The following KCNH2 variants were observed in gnomAD, a reference collection of about 807,000 sequenced individuals.
The protein encoded by KCNH2 is voltage-gated inwardly rectifying potassium channel KCNH2.
A neutral mutation model predicts 95.9 loss-of-function variants in KCNH2; 35 were observed. That is an observed-to-expected ratio of 0.37 (90% CI 0.28 to 0.48). The LOEUF (loss-of-function observed/expected upper bound fraction) is 0.48. KCNH2 is among the 20% of genes least tolerant of loss of function. The pLI is 0.99. For missense variants in KCNH2, 1,274 were observed against 1,702.9 expected (o/e 0.75, Z 4.43); for synonymous variants, 786 against 754.7 (o/e 1.04, Z -0.68).
intron 11 of KCNH2, 28 bp downstream of exon 11, chr7:150,948,416 T>TCCCCCCCCCCCCCCCCC: frequency 1.2e-5 from 5 of 402,864 alleles, no homozygotes; most frequent in Non-Finnish European, 2.1e-5. Flanking sequence ...GTCCCCGCCC[T>TCCCCCCCCCCCCCCCCC]CCCCCTTCCT....
intron 12 of KCNH2, 39 bp from the exon 13 acceptor site, chr7:150,947,553 G>A (rs779740014): frequency 4.4e-5 from 70 of 1,602,012 alleles, no homozygotes; most frequent in Non-Finnish European, 5.5e-5. Flanking sequence ...CGGGGTAGAC[G>A]CACCACCGCT....
At chr7:150,966,104 T>C (rs2117034559) in intron 2 of KCNH2, among the ~76,000 whole-genome samples, 1 of 152,354 alleles carries the variant, frequency 6.6e-6, no homozygotes, top group South Asian at 2.1e-4. Context: ...GGTGTGAGAC[T>C]TCTGAGCCTC....
Position 150,948,482 on chromosome 7 carries a change from C to T in KCNH2, c.2654G>A (p.Arg885His), listed in dbSNP as rs202194495. 3.2e-5 allele frequency: 49 copies of T among 1,508,234 alleles called. No homozygotes were observed. The highest frequency in any genetic ancestry group is 5.3e-5 in the Admixed American group (3 of 56,706). 93.4% of individuals were successfully genotyped at this position (1,508,234 alleles called of 1,614,324 possible). A position where few individuals can be genotyped will look rare whatever the true frequency, so the allele number is the denominator to read the frequency against. The change falls in exon 11 of 15, where the codon CGC becomes CAC. Residue 885 changes from arginine to histidine, a missense_variant. Physicochemically the swap from Arg to His is conservative, Grantham distance 29. Coordinates refer to ENST00000262186, the MANE Select transcript of KCNH2 (RefSeq NM_000238.4). ...CCTGCGGAAGGACAACTTGCGCTTG[C>T]GTTGCCGACTGAAGCCACCCTCTAA... ...TELEGGFSRQ[R>H]KRKLSFRRRT...
At chr7:150,955,843 G>T in intron 5 of KCNH2, 1 of 1,062,124 alleles carries the variant, frequency 9.4e-7, no homozygotes, top group Non-Finnish European at 1.1e-6. Flanking sequence ...CCTTCTACCA[G>T]GTCCCCACCC....
At chr7:150,951,328 G>T in intron 7 of KCNH2, 120 bp downstream of exon 7, 2 of 1,246,482 alleles carry the variant, frequency 1.6e-6, no homozygotes, top group Non-Finnish European at 2.2e-6. Flanking sequence ...TCACGATGGT[G>T]GCCCCTGGAG....
intron 9 of KCNH2, 36 bp from the exon 10 acceptor site, chr7:150,949,085 G>A (rs371957566): frequency 1.4e-5 from 22 of 1,582,658 alleles, no homozygotes; most frequent in South Asian, 4.5e-5. Flanking sequence ...GCTCAGCCCC[G>A]GGGGGCGGCA....
intron 2 of KCNH2, among the ~76,000 whole-genome samples, chr7:150,964,011 C>A (rs1297775562): frequency 6.6e-6 from 1 of 152,254 alleles, no homozygotes; most frequent in African/African-American, 2.4e-5. Context: ...TGTTCCTGCC[C>A]AGCATCCCAA....
rs976774515 is a variant in KCNH2, at chr7:150,955,940, C to G, written c.1128+1351G>C. On this transcript the variant is annotated intron_variant, in intron 5 of 14. Transcript: ENST00000262186. ...CAGCCCGCCCAGGCTCCTGCAGCGG[C>G]GCTCCCGCAGCCTGAGCCCCTCCCC... The G allele has an allele frequency of 1.7e-4, 127 of 731,964 alleles. No homozygotes were observed. In the African/African-American group the frequency reaches 2.2e-3, roughly 13 times the overall value. The allele number at this position is 731,964 out of a possible 1,614,324, so 45.3% of individuals were successfully genotyped here.
chr7:150,957,913 G>A (rs1053549304), intron 4 of KCNH2, 146 bp downstream of exon 4: 1 of 628,624 alleles, frequency 1.6e-6, no homozygotes, highest in African/African-American at 1.8e-5. Context: ...CCACTTAATG[G>A]AATTAAATAA....
At chr7:150,948,399 T>G in intron 11 of KCNH2, 45 bp downstream of exon 11, 1 of 1,436,612 alleles carries the variant, frequency 7.0e-7, no homozygotes, top group Non-Finnish European at 9.5e-7. Context: ...GCTCCCAGCC[T>G]CACCTTGTCC....
chr7:150,950,035 T>C, intron 9 of KCNH2, 133 bp downstream of exon 9: 3 of 1,599,680 alleles, frequency 1.9e-6, no homozygotes, highest in Non-Finnish European at 2.6e-6. Flanking sequence ...TGAGTTTAGG[T>C]GAATTAAAGG....
chr7:150,975,172 C>A (rs1346722232), intron 1 of KCNH2, among the ~76,000 whole-genome samples: 2 of 151,818 alleles, frequency 1.3e-5, no homozygotes, highest in African/African-American at 4.8e-5. Flanking sequence ...GGCCCGCGGG[C>A]GGGCTGCGTG....
In KCNH2 at chr7:150,947,849, A is replaced by G. The variant is rs765154236; in HGVS notation, c.2722T>C (p.Leu908=). The change falls in exon 12 of 15, where the codon TTG becomes CTG. Residue 908 remains leucine, a synonymous_variant. Transcript: ENST00000262186. ...DTEQPGEVSA[L]GPGRAGAGPS... is the part of the protein sequence containing the mutation. ...CCTGCCCCCGCCCGGCCCGGCCCCA[A>G]GGCCGACACCTCCCCTGGCTGCTCC... 1.3e-6 allele frequency: 2 copies of G among 1,527,464 alleles called. No individual in the cohort carries two copies. The highest frequency in any genetic ancestry group is 2.5e-5 in the East Asian group (1 of 40,762). 94.6% of individuals were successfully genotyped at this position (1,527,464 alleles called of 1,614,324 possible). A position where few individuals can be genotyped will look rare whatever the true frequency, so the allele number is the denominator to read the frequency against.
chr7:150,974,634 CG>C, intron 2 of KCNH2, 76 bp downstream of exon 2: 1 of 998,670 alleles, frequency 1.0e-6, no homozygotes, highest in Non-Finnish European at 1.5e-6. Context: ...CACACCCCCA[CG>C]CACCCTGCCC....
At chr7:150,955,466 GC>G (rs1801336616) in intron 5 of KCNH2, 1 of 1,559,862 alleles carries the variant, frequency 6.4e-7, no homozygotes, top group Non-Finnish European at 8.7e-7. Flanking sequence ...GGGCCGCAGA[GC>G]CCCTGTCCTG....
chr7:150,953,957 C>T (rs1801276453), intron 5 of KCNH2, among the ~76,000 whole-genome samples: 1 of 152,196 alleles, frequency 6.6e-6, no homozygotes, highest in African/African-American at 2.4e-5. Context: ...CCAAAGACTC[C>T]CCTTCATACT....
rs1175419574 is a variant in KCNH2, at chr7:150,977,831, C to A, written c.76+7G>T. On this transcript the variant is annotated splice_region_variant and intron_variant, in intron 1 of 14. Transcript: ENST00000262186. ...CCCCTCCCCGCTCAGCCCCCTCCCC[C>A]ACTCACTCTGGCCCTCAAACTTGCG... 6.3e-7 allele frequency: 1 copy of A among 1,589,944 alleles called. No homozygotes were observed. Among genetic ancestry groups the A allele is most frequent in the Non-Finnish European group, 8.6e-7 (1 of 1,166,682 alleles).
Position 150,945,398 on chromosome 7 carries a change from G to C in KCNH2, c.3447C>G (p.Pro1149=), listed in dbSNP as rs758576235. 1.3e-6 allele frequency: 2 copies of C among 1,587,348 alleles called. No individual in the cohort carries two copies. Among genetic ancestry groups the C allele is most frequent in the Non-Finnish European group, 1.7e-6 (2 of 1,167,168 alleles). ...PGQLGALTSQ[P]LHRHGSDPGS is the part of the protein sequence containing the mutation. Reference sequence around the variant, plus strand: ...CCGGGTCCGAGCCGTGTCTGTGCAGGGGCTGGGAGGTGAGGGCCCCCAGCT... The same window carrying C: ...CCGGGTCCGAGCCGTGTCTGTGCAGCGGCTGGGAGGTGAGGGCCCCCAGCT... Residue 1149 remains proline, a synonymous_variant, in exon 15 of 15, where the codon CCC becomes CCG. Coordinates refer to ENST00000262186, the MANE Select transcript of KCNH2 (RefSeq NM_000238.4). This position sits in a 1 kb window ranked among gnomAD's most constrained non-coding sequence, Gnocchi z 5.6.
At chr7:150,951,199 C>A (rs1584852734) in intron 7 of KCNH2, 79 bp from the exon 8 acceptor site, 2 of 1,278,264 alleles carry the variant, frequency 1.6e-6, no homozygotes, top group Non-Finnish European at 2.2e-6. Context: ...AGGCCCCGCA[C>A]CAGGTCAGTG....
Sources: gnomAD v4.1 joint callset for allele counts (sites outside exome capture counted in the v4.1 genomes callset) on GRCh38, gnomAD v4.1.1 for gene constraint, Gnocchi (gnomAD v3.1) non-coding constraint, MANE v1.5 for transcripts, NCBI Gene and HGNC (gene_info 2026-07-23, HGNC 2026-07-21) for gene names.